PEX26: variants seen among roughly 807,000 people sequenced by gnomAD.
PEX26 encodes peroxisome assembly protein 26.
PEX26 carries 18 observed loss-of-function variants against 31.4 expected under a neutral mutation model. The observed-to-expected ratio is 0.57, with a 90% CI of 0.40 to 0.85. PEX26 has a LOEUF of 0.85. Among genes scored for constraint, PEX26 ranks in the 40% least tolerant of loss-of-function variants. PEX26 has a pLI of 0.00. For missense variants in PEX26, 377 were observed against 383.9 expected (o/e 0.98, Z 0.15); for synonymous variants, 176 against 166.9 (o/e 1.05, Z -0.42).
rs905470498 is a variant in PEX26, at chr22:18,083,815, C to T, written c.667+83C>T. On this transcript the variant is annotated intron_variant, in intron 3 of 4. Transcript: ENST00000399744. ...CTCGGGGTCTGTCGTGAAACTCCTGCGAGCTTAGAAGCAGTTCTTTGTATG... is the reference window on the plus strand; with the variant it reads ...CTCGGGGTCTGTCGTGAAACTCCTGTGAGCTTAGAAGCAGTTCTTTGTATG... 2.2e-5 allele frequency: 29 copies of T among 1,297,878 alleles called. 1 individual carries two copies. Among genetic ancestry groups the T allele is most frequent in the African/African-American group, 7.3e-5 (5 of 68,802 alleles). The allele number at this position is 1,297,878 out of a possible 1,614,324, so 80.4% of individuals were successfully genotyped here. A position where few individuals can be genotyped will look rare whatever the true frequency, so the allele number is the denominator to read the frequency against.
chr22:18,078,246 C>T lies in PEX26; in HGVS notation c.-131C>T, dbSNP rs1411172645. The stretch of plus-strand genomic sequence containing the variant: ...TCCTTTTCCTTCTCGGGGAATCGAC[C>T]TCGGGAAGGGGTGTGGGCAAAGAGA... On this transcript the variant is annotated 5_prime_UTR_variant, in exon 1 of 5. Coordinates refer to ENST00000399744, the MANE Select transcript of PEX26 (RefSeq NM_001127649.3). 8.0e-6 allele frequency: 6 copies of T among 751,732 alleles called. No individual in the cohort carries two copies. The highest frequency in any genetic ancestry group is 1.2e-5 in the Non-Finnish European group (5 of 430,568). 46.6% of individuals were successfully genotyped at this position (751,732 alleles called of 1,614,324 possible).
chr22:18,080,927 C>T (rs1300444926), intron 2 of PEX26, among the ~76,000 whole-genome samples: 1 of 151,888 alleles, frequency 6.6e-6, no homozygotes, highest in Non-Finnish European at 1.5e-5. Flanking sequence ...CTCTTCCCGT[C>T]TTCCTTTTCT....
Position 18,104,170 on chromosome 22 carries a change from G to A in PEX26, c.*16095G>A, listed in dbSNP as rs1033710136. ...CCAAGAGCAGGAGGGGATGACCGACGGCTTCATCTTTCCTAGTCTATCCCA... is the reference window on the plus strand; with the variant it reads ...CCAAGAGCAGGAGGGGATGACCGACAGCTTCATCTTTCCTAGTCTATCCCA... On this transcript the variant is annotated 3_prime_UTR_variant, in exon 5 of 5. Transcript: ENST00000399744. 27 of 152,106 alleles carry A rather than the reference G, an allele frequency of 1.8e-4. No homozygotes were observed. Among genetic ancestry groups the A allele is most frequent in the African/African-American group, 6.3e-4 (26 of 41,406 alleles). 9.4% of individuals were successfully genotyped at this position (152,106 alleles called of 1,614,324 possible).
intron 2 of PEX26, 114 bp from the exon 3 acceptor site, chr22:18,083,322 TC>T: frequency 9.5e-7 from 1 of 1,050,372 alleles, no homozygotes; most frequent in Non-Finnish European, 1.5e-6. Flanking sequence ...CGGAAAGGGC[TC>T]GAGGACACAG....
At position 18,083,727 on chromosome 22, in the gene PEX26, T is replaced by G. The variant is rs767345970; in HGVS notation, c.662T>G (p.Leu221Arg). 12 of 1,613,742 alleles carry G rather than the reference T, an allele frequency of 7.4e-6. No homozygotes were observed. Among genetic ancestry groups the G allele is most frequent in the Non-Finnish European group, 1.0e-5 (12 of 1,180,010 alleles). The change falls in exon 3 of 5, where the codon CTG becomes CGG. Residue 221 changes from leucine to arginine, a missense_variant. By Grantham distance (102) the Leu-to-Arg change is moderately radical. Coordinates refer to ENST00000399744, the MANE Select transcript of PEX26 (RefSeq NM_001127649.3). Reference sequence around the variant, plus strand: ...TCTGAGGAGGCCCAGAAGCCAAACCTGGAAGGTAGGACATTATCCCTCTGC... The same window carrying G: ...TCTGAGGAGGCCCAGAAGCCAAACCGGGAAGGTAGGACATTATCCCTCTGC... Reference protein sequence around the residue: ...SGSEEAQKPNLEGSVSHKFLS... With the variant: ...SGSEEAQKPNREGSVSHKFLS...
chr22:18,105,351 T>C lies in PEX26; in HGVS notation c.*17276T>C, dbSNP rs1372186829. On this transcript the variant is annotated 3_prime_UTR_variant, in exon 5 of 5. Coordinates refer to ENST00000399744, the MANE Select transcript of PEX26 (RefSeq NM_001127649.3). ...GAATGAGAGTTAATGTTTCTATGTT[T>C]CTGATTCTTCATTTGTAAAATGAGG... The C allele has an allele frequency of 6.6e-6, 1 of 152,234 alleles. No individual in the cohort carries two copies. The highest frequency in any genetic ancestry group is 1.9e-4 in the East Asian group (1 of 5,204). 9.4% of individuals were successfully genotyped at this position (152,234 alleles called of 1,614,324 possible).
intron 4 of PEX26, among the ~76,000 whole-genome samples, chr22:18,086,829 T>G (rs1324516628): frequency 6.6e-6 from 1 of 152,164 alleles, no homozygotes; most frequent in African/African-American, 2.4e-5. Context: ...AGTCTTTAGA[T>G]TCTCCCTGTT....
rs758444037 is a variant in PEX26 at position 18,085,149 on chromosome 22, G to A, written c.705G>A (p.Leu235=). The change falls in exon 4 of 5, where the codon TTG becomes TTA. Residue 235 remains leucine, a synonymous_variant. Transcript: ENST00000399744. ...ACAAGTTCCTGTCACTACCGATGTTGGTTCGCCAGCTTTGGGACTCTGCGG... is the reference window on the plus strand; with the variant it reads ...ACAAGTTCCTGTCACTACCGATGTTAGTTCGCCAGCTTTGGGACTCTGCGG... ...VSHKFLSLPM[L]VRQLWDSAVS... The A allele has an allele frequency of 6.2e-7, 1 of 1,614,120 alleles. No individual in the cohort carries two copies. Among genetic ancestry groups the A allele is most frequent in the Non-Finnish European group, 8.5e-7 (1 of 1,180,018 alleles).
intron 3 of PEX26, 61 bp from the exon 4 acceptor site, chr22:18,085,051 C>G (rs1388252589): frequency 1.3e-6 from 2 of 1,588,982 alleles, no homozygotes; most frequent in Admixed American, 1.7e-5. Flanking sequence ...GCACAGAGGT[C>G]GGGGTCAGGG....
Position 18,090,220 on chromosome 22 carries a change from A to G in PEX26, c.*2145A>G. The G allele has an allele frequency of 6.6e-6, 1 of 152,198 alleles. No individual in the cohort carries two copies. The highest frequency in any genetic ancestry group is 1.9e-4 in the East Asian group (1 of 5,182). 9.4% of individuals were successfully genotyped at this position (152,198 alleles called of 1,614,324 possible). Reference sequence around the variant, plus strand: ...TAAAATGAAAATCTGGGCCCACTTAACTACCCTAGATAAAACGCTTCAATG... The same window carrying G: ...TAAAATGAAAATCTGGGCCCACTTAGCTACCCTAGATAAAACGCTTCAATG... On this transcript the variant is annotated 3_prime_UTR_variant, in exon 5 of 5. Coordinates refer to ENST00000399744, the MANE Select transcript of PEX26 (RefSeq NM_001127649.3).
At chr22:18,085,884 A>G (rs911663229) in intron 4 of PEX26, among the ~76,000 whole-genome samples, 2 of 152,264 alleles carry the variant, frequency 1.3e-5, no homozygotes, top group East Asian at 3.9e-4. Flanking sequence ...AACAAAAAAC[A>G]AAAAACAAAA....
Position 18,104,605 on chromosome 22 carries a change from C to T in PEX26, c.*16530C>T, listed in dbSNP as rs1013137333. ...ACAGGCTGGCCTTTCCTCCTGTTTA[C>T]AGGAGGTGAGTTTTCCTGAGTTCCC... On this transcript the variant is annotated 3_prime_UTR_variant, in exon 5 of 5. Coordinates refer to ENST00000399744, the MANE Select transcript of PEX26 (RefSeq NM_001127649.3). 1.3e-5 allele frequency: 2 copies of T among 152,212 alleles called. No homozygotes were observed. Among genetic ancestry groups the T allele is most frequent in the Admixed American group, 6.6e-5 (1 of 15,250 alleles). 9.4% of individuals were successfully genotyped at this position (152,212 alleles called of 1,614,324 possible).
In PEX26 at chr22:18,083,637, G is replaced by A. The variant is rs750749018; in HGVS notation, c.572G>A (p.Arg191Gln). Residue 191 changes from arginine (R) to glutamine (Q), a missense_variant, in exon 3 of 5, where the codon CGG becomes CAG. Physicochemically the swap from Arg to Gln is conservative, Grantham distance 43 (BLOSUM62 1). Transcript: ENST00000399744. ...GGCTCTGCAGCCTTTGGTGAGGAGC[G>A]GCGACTGGATGTACTTCAGGCCATT... ...VVGSAAFGEE[R>Q]RLDVLQAIHT... The A allele has an allele frequency of 1.7e-5, 28 of 1,613,964 alleles. No homozygotes were observed. The Admixed American group carries it at 3.2e-4, about 18-fold the overall frequency.
rs1412612899 is a variant in PEX26 at position 18,092,256 on chromosome 22, G to A, written c.*4181G>A. ...CGGCCTGGCCAAGGTCGGCCTCACCGCCCTGGCCTAGCACCTTTGGAAACT... is the reference window on the plus strand; with the variant it reads ...CGGCCTGGCCAAGGTCGGCCTCACCACCCTGGCCTAGCACCTTTGGAAACT... On this transcript the variant is annotated 3_prime_UTR_variant, in exon 5 of 5. Transcript: ENST00000399744. 1.3e-5 allele frequency: 2 copies of A among 152,276 alleles called. No individual in the cohort carries two copies. The highest frequency in any genetic ancestry group is 6.5e-5 in the Admixed American group (1 of 15,288). The allele number at this position is 152,276 out of a possible 1,614,324, so 9.4% of individuals were successfully genotyped here.
In PEX26 at chr22:18,078,264, C is replaced by T. The variant is rs552957173; in HGVS notation, c.-113C>T. ...AATCGACCTCGGGAAGGGGTGTGGG[C>T]AAAGAGATGAGGACTCTCCCTCTTC... On this transcript the variant is annotated 5_prime_UTR_variant, in exon 1 of 5. Coordinates refer to ENST00000399744, the MANE Select transcript of PEX26 (RefSeq NM_001127649.3). 39 of 801,178 alleles carry T rather than the reference C, an allele frequency of 4.9e-5. No individual in the cohort carries two copies. Among genetic ancestry groups the T allele is most frequent in the South Asian group, 2.9e-4 (20 of 68,834 alleles). 49.6% of individuals were successfully genotyped at this position (801,178 alleles called of 1,614,324 possible). A position where few individuals can be genotyped will look rare whatever the true frequency, so the allele number is the denominator to read the frequency against.
chr22:18,083,705 G>A lies in PEX26; in HGVS notation c.640G>A (p.Glu214Lys). ...QQQKQEHSGS[E>K]EAQKPNLEGS... is the part of the protein sequence containing the mutation. Reference sequence around the variant, plus strand: ...GCAGAAACAGGAACACTCAGGCTCTGAGGAGGCCCAGAAGCCAAACCTGGA... The same window carrying A: ...GCAGAAACAGGAACACTCAGGCTCTAAGGAGGCCCAGAAGCCAAACCTGGA... Residue 214 changes from glutamate (E) to lysine (K), a missense_variant, in exon 3 of 5, where the codon GAG becomes AAG. Coordinates refer to ENST00000399744, the MANE Select transcript of PEX26 (RefSeq NM_001127649.3). 1.9e-6 allele frequency: 3 copies of A among 1,614,068 alleles called. No homozygotes were observed. The highest frequency in any genetic ancestry group is 2.5e-6 in the Non-Finnish European group (3 of 1,180,038).
chr22:18,104,676 G>A lies in PEX26; in HGVS notation c.*16601G>A, dbSNP rs1482897962. 1 of 152,630 alleles carries A rather than the reference G, an allele frequency of 6.6e-6. No individual in the cohort carries two copies. Among genetic ancestry groups the A allele is most frequent in the African/African-American group, 2.4e-5 (1 of 41,414 alleles). 9.5% of individuals were successfully genotyped at this position (152,630 alleles called of 1,614,324 possible). Reference sequence around the variant, plus strand: ...AGTCTGTCACTGACTCCCGCTCCCAGTGCTCACTGCCTCTTGTTCTCACTG... The same window carrying A: ...AGTCTGTCACTGACTCCCGCTCCCAATGCTCACTGCCTCTTGTTCTCACTG... On this transcript the variant is annotated 3_prime_UTR_variant, in exon 5 of 5. Transcript: ENST00000399744.
In PEX26 at chr22:18,078,442, C is replaced by G. The variant is rs200178985; in HGVS notation, c.66C>G (p.Ser22Arg). 4.5e-6 allele frequency: 7 copies of G among 1,566,500 alleles called. No individual in the cohort carries two copies. The highest frequency in any genetic ancestry group is 1.7e-4 in the Middle Eastern group (1 of 5,840). ...GGCTCGGGGGACCCCTGCGCAGCAG[C>G]GAGCCGGTGCGCGCGGTCCCGGCCC... ...LRGLGGPLRSSEPVRAVPARA... is the reference protein window; with the variant it reads ...LRGLGGPLRSREPVRAVPARA... Residue 22 changes from serine to arginine, a missense_variant, in exon 1 of 5, where the codon AGC becomes AGG. By Grantham distance (110) the Ser-to-Arg change is moderately radical (BLOSUM62 -1). Transcript: ENST00000399744.
chr22:18,087,668 G>A (rs1926896679), intron 4 of PEX26, among the ~76,000 whole-genome samples: 1 of 152,206 alleles, frequency 6.6e-6, no homozygotes, highest in African/African-American at 2.4e-5. Flanking sequence ...TGCTTCAGAA[G>A]GGCCTGGCCC....
Sources: allele counts gnomAD v4.1 joint callset (sites outside exome capture counted in the v4.1 genomes callset), GRCh38; gene constraint gnomAD v4.1.1; transcripts MANE v1.5; gene names NCBI Gene and HGNC (gene_info 2026-07-23, HGNC 2026-07-21).